Variants in LPP observed in about 807,000 individuals in gnomAD.
LPP encodes the protein LIM domain containing preferred translocation partner in lipoma.
In LPP, 38 loss-of-function variants were observed where a neutral mutation model predicts 60.4. The observed-to-expected ratio is 0.63, with a 90% CI of 0.49 to 0.83. The LOEUF is 0.83. Among genes scored for constraint, LPP ranks in the 40% least tolerant of loss-of-function variants. LPP has a pLI of 0.00. For synonymous variants in LPP, 328 were observed against 290.8 expected (o/e 1.13, Z -1.30); for missense variants, 902 against 783.6 (o/e 1.15, Z -1.80).
chr3:188,338,506 C>T (rs917228873), intron 2 of LPP, among the ~76,000 whole-genome samples: 8 of 152,174 alleles, frequency 5.3e-5, no homozygotes, highest in African/African-American at 1.7e-4. Context: ...TTGGCCTTTT[C>T]GCAGTGGTTT....
chr3:188,678,791 G>T (rs1369362039), intron 7 of LPP, among the ~76,000 whole-genome samples: 1 of 152,152 alleles, frequency 6.6e-6, no homozygotes, highest in African/African-American at 2.4e-5. Context: ...ATTTAAATAG[G>T]TTAAATCCTA....
At chr3:188,529,269 C>T (rs1029881826) in intron 6 of LPP, among the ~76,000 whole-genome samples, 18 of 152,152 alleles carry the variant, frequency 1.2e-4, no homozygotes, top group Admixed American at 1.1e-3. Flanking sequence ...TTGAAAGGTA[C>T]TTGAAAAGTC....
At chr3:188,289,210 G>A (rs374175940) in intron 2 of LPP, among the ~76,000 whole-genome samples, 70 of 152,164 alleles carry the variant, frequency 4.6e-4, no homozygotes, top group African/African-American at 1.4e-3. Context: ...ATCATAGCAC[G>A]TCTAAAATCC....
At chr3:188,172,548 A>T (rs1223094319) in intron 1 of LPP, among the ~76,000 whole-genome samples, 1 of 152,208 alleles carries the variant, frequency 6.6e-6, no homozygotes, top group East Asian at 1.9e-4. Flanking sequence ...GATTATCTAA[A>T]TGATTGTGTT....
At chr3:188,486,070 A>G (rs1210493745) in intron 5 of LPP, among the ~76,000 whole-genome samples, 1 of 152,054 alleles carries the variant, frequency 6.6e-6, no homozygotes, top group Non-Finnish European at 1.5e-5. Flanking sequence ...TACAAGTAGG[A>G]TATGTATTTA....
intron 6 of LPP, among the ~76,000 whole-genome samples, chr3:188,592,557 G>GTTTGTTTGTTTTTTTTT (rs1260656926): frequency 2.3e-5 from 2 of 85,752 alleles, no homozygotes; most frequent in South Asian, 5.7e-4. Flanking sequence ...TTTTGTTTTT[G>GTTTGTTTGTTTTTTTTT]TTTTTTAAAT....
chr3:188,575,181 G>A (rs952362269), intron 6 of LPP, among the ~76,000 whole-genome samples: 7 of 152,130 alleles, frequency 4.6e-5, no homozygotes, highest in African/African-American at 1.7e-4. Flanking sequence ...GAGCACTGCT[G>A]TATAACAACG....
chr3:188,787,108 C>G (rs921764886), intron 9 of LPP, among the ~76,000 whole-genome samples: 1 of 152,116 alleles, frequency 6.6e-6, no homozygotes, highest in Non-Finnish European at 1.5e-5. Context: ...TGAACTTACA[C>G]ATATATACAG....
At chr3:188,506,229 T>G (rs1003662772) in intron 5 of LPP, among the ~76,000 whole-genome samples, 3 of 152,200 alleles carry the variant, frequency 2.0e-5, no homozygotes, top group African/African-American at 7.2e-5. Flanking sequence ...CCTGCTCTGT[T>G]GCTTATCACT....
At chr3:188,495,709 C>A (rs747501776) in intron 5 of LPP, among the ~76,000 whole-genome samples, 1 of 152,058 alleles carries the variant, frequency 6.6e-6, no homozygotes, top group Non-Finnish European at 1.5e-5. Flanking sequence ...TATCACATAC[C>A]TTTTATCCAT....
rs2378447 is a variant in LPP, at chr3:188,877,609, G to A, written c.*3130G>A. 7,802 of 187,342 alleles carry A rather than the reference G, an allele frequency of 0.042. 229 individuals are homozygous for A. The highest frequency in any genetic ancestry group is 0.064 in the Non-Finnish European group (5,702 of 88,710). The allele number at this position is 187,342 out of a possible 1,614,324, so 11.6% of individuals were successfully genotyped here. A position where few individuals can be genotyped will look rare whatever the true frequency, so the allele number is the denominator to read the frequency against. On this transcript the variant is annotated 3_prime_UTR_variant, in exon 12 of 12. Transcript: ENST00000617246. ...ACTTGTAATCCCAGCAATTTGGGAGGCTGAGACAGGAGGATTGCCTGAGGC... is the reference window on the plus strand; with the variant it reads ...ACTTGTAATCCCAGCAATTTGGGAGACTGAGACAGGAGGATTGCCTGAGGC...
At chr3:188,429,065 A>G (rs1284293050) in intron 4 of LPP, among the ~76,000 whole-genome samples, 1 of 152,228 alleles carries the variant, frequency 6.6e-6, no homozygotes, top group Non-Finnish European at 1.5e-5. Flanking sequence ...ATAGTGAGAC[A>G]GCACTAGAGT....
At chr3:188,722,082 T>C (rs895691501) in intron 8 of LPP, among the ~76,000 whole-genome samples, 4 of 152,202 alleles carry the variant, frequency 2.6e-5, no homozygotes, top group Non-Finnish European at 5.9e-5. Flanking sequence ...CCAAGAATTA[T>C]ATTTCCTAGA....
chr3:188,210,704 C>T (rs1734461721), intron 1 of LPP, among the ~76,000 whole-genome samples: 1 of 152,162 alleles, frequency 6.6e-6, no homozygotes, highest in African/African-American at 2.4e-5. Flanking sequence ...ATATTGATCT[C>T]TGTGGCTCTC....
At chr3:188,514,722 A>G (rs1001478203) in intron 5 of LPP, among the ~76,000 whole-genome samples, 1 of 152,208 alleles carries the variant, frequency 6.6e-6, no homozygotes, top group Non-Finnish European at 1.5e-5. Flanking sequence ...GATTACATGC[A>G]TGAGCCACCG....
intron 8 of LPP, chr3:188,758,901 G>A (rs1731230880): frequency 6.6e-6 from 1 of 152,208 alleles, no homozygotes. Flanking sequence ...CATATAGACT[G>A]TTGTGAATAT....
intron 7 of LPP, among the ~76,000 whole-genome samples, chr3:188,623,554 G>A (rs1212633030): frequency 3.9e-5 from 6 of 152,094 alleles, no homozygotes; most frequent in African/African-American, 1.2e-4. Context: ...CACCGTGCCC[G>A]GCTGAAGATA....
intron 3 of LPP, among the ~76,000 whole-genome samples, chr3:188,402,106 A>G (rs1270485745): frequency 6.6e-6 from 1 of 152,278 alleles, no homozygotes; most frequent in East Asian, 1.9e-4. Flanking sequence ...GTCTGTTAAA[A>G]GAAGATGTAT....
intron 8 of LPP, chr3:188,708,790 C>T (rs996235287): frequency 3.5e-5 from 9 of 256,308 alleles, no homozygotes; most frequent in East Asian, 7.2e-5. Context: ...CCTGGGAGGT[C>T]GAGGCTGCAG....
Sources: allele counts gnomAD v4.1 joint callset (sites outside exome capture counted in the v4.1 genomes callset), GRCh38; gene constraint gnomAD v4.1.1; transcripts MANE v1.5; gene names NCBI Gene and HGNC (gene_info 2026-07-23, HGNC 2026-07-21).